KLK1: variants seen among roughly 807,000 people sequenced by gnomAD.
KLK1 encodes kallikrein 1, also known as kallikrein-1.
A neutral mutation model predicts 23.3 loss-of-function variants in KLK1; 22 were observed. That is an observed-to-expected ratio of 0.95 (90% CI 0.68 to 1.35). The LOEUF (loss-of-function observed/expected upper bound fraction) is 1.35, where lower values mean the gene tolerates loss of function less well. Among genes scored for constraint, KLK1 ranks in the 40% most tolerant of loss-of-function variants. The pLI, the probability that KLK1 is intolerant of heterozygous loss-of-function variation, is 0.00. For missense variants in KLK1, 301 were observed against 338.9 expected (o/e 0.89, Z 0.88); for synonymous variants, 140 against 135.8 (o/e 1.03, Z -0.21).
At position 50,821,127 on chromosome 19, in the gene KLK1, C is replaced by G. The variant is rs2089826082; in HGVS notation, c.206+585G>C. ...TTTCTCGCCCCGCCTCCTCCTTCCTCCTCCCTCAGTTGCCCCACCCAGCTC... is the reference window on the plus strand; with the variant it reads ...TTTCTCGCCCCGCCTCCTCCTTCCTGCTCCCTCAGTTGCCCCACCCAGCTC... On this transcript the variant is annotated intron_variant, in intron 2 of 4. Transcript: ENST00000301420. The surrounding 1 kb of genome is among the most constrained non-coding windows in gnomAD (Gnocchi z 5.6). Among the ~76,000 whole-genome samples, 1 of 152,196 alleles carries G rather than the reference C, an allele frequency of 6.6e-6. No homozygotes were observed. Among genetic ancestry groups the G allele is most frequent in the Non-Finnish European group, 1.5e-5 (1 of 68,036 alleles).
At chr19:50,822,963 A>G in intron 1 of KLK1, 1 of 975,322 alleles carries the variant, frequency 1.0e-6, no homozygotes, top group Non-Finnish European at 1.2e-6. Flanking sequence ...CTGTGTAGGA[A>G]CAATTCAGGC....
In KLK1 at chr19:50,821,727, G is replaced by A; in HGVS notation, c.191C>T (p.Ala64Val). 6.2e-7 allele frequency: 1 copy of A among 1,612,212 alleles called. No individual in the cohort carries two copies. The highest frequency in any genetic ancestry group is 1.1e-5 in the South Asian group (1 of 90,864). ...LVHRQWVLTAAHCISDNYQLW... is the reference protein window; with the variant it reads ...LVHRQWVLTAVHCISDNYQLW... The stretch of plus-strand genomic sequence containing the variant: ...CCCTACTCACTCGCTGATGCAATGA[G>A]CAGCTGTGAGCACCCACTGGCGGTG... Residue 64 changes from alanine to valine, a missense_variant, in exon 2 of 5, where the codon GCT becomes GTT. Physicochemically the swap from Ala to Val is moderately conservative, Grantham distance 64. Coordinates refer to ENST00000301420, the MANE Select transcript of KLK1 (RefSeq NM_002257.4). This position sits in a 1 kb window ranked among gnomAD's most constrained non-coding sequence, Gnocchi z 5.6.
In KLK1 at chr19:50,820,477, C is replaced by T. The variant is rs2740505; in HGVS notation, c.207-34G>A. ...AGATGGGAATGGAGGGATGAGAAGA[C>T]GGGAAGGGGAAAAGGGGATGGGGCA... On this transcript the variant is annotated intron_variant, in intron 2 of 4. Transcript: ENST00000301420. 0.2 allele frequency: 130,028 copies of T among 658,166 alleles called. 7,171 individuals carry two copies. The highest frequency in any genetic ancestry group is 0.24 in the Non-Finnish European group (106,423 of 436,278). The allele number at this position is 658,166 out of a possible 1,614,324, so 40.8% of individuals were successfully genotyped here. A position where few individuals can be genotyped will look rare whatever the true frequency, so the allele number is the denominator to read the frequency against.
chr19:50,821,617 A>G lies in KLK1; in HGVS notation c.206+95T>C. On this transcript the variant is annotated intron_variant, in intron 2 of 4. Coordinates refer to ENST00000301420, the MANE Select transcript of KLK1 (RefSeq NM_002257.4). This position sits in a 1 kb window ranked among gnomAD's most constrained non-coding sequence, Gnocchi z 5.6. ...GCCTTCCTCTCTGCCTCAGCCCCCC[A>G]GTCTTGCCTGAGGTTATCCAAGGGG... The G allele has an allele frequency of 7.0e-7, 1 of 1,425,454 alleles. No individual in the cohort carries two copies. The highest frequency in any genetic ancestry group is 9.3e-7 in the Non-Finnish European group (1 of 1,079,584). 88.3% of individuals were successfully genotyped at this position (1,425,454 alleles called of 1,614,324 possible). A position where few individuals can be genotyped will look rare whatever the true frequency, so the allele number is the denominator to read the frequency against.
In KLK1 at chr19:50,819,363, G is replaced by C; in HGVS notation, c.634-14C>G. ...CCCTGAATCACCCTGGGAGCACAAG[G>C]TGGGAGGGGAGAGTGAGAAAGGTCT... On this transcript the variant is annotated splice_polypyrimidine_tract_variant and intron_variant, in intron 4 of 4. Transcript: ENST00000301420. The C allele has an allele frequency of 1.3e-6, 2 of 1,598,354 alleles. No individual in the cohort carries two copies. Among genetic ancestry groups the C allele is most frequent in the Non-Finnish European group, 1.7e-6 (2 of 1,168,788 alleles).
At chr19:50,819,375 A>G in intron 4 of KLK1, 26 bp from the exon 5 acceptor site, 1 of 1,591,168 alleles carries the variant, frequency 6.3e-7, no homozygotes, top group Non-Finnish European at 8.6e-7. Flanking sequence ...GGGAGGGGAG[A>G]GTGAGAAAGG....
rs1329033319 is a variant in KLK1 at position 50,821,061 on chromosome 19, A to C, written c.207-618T>G. Among the ~76,000 whole-genome samples the C allele has an allele frequency of 1.3e-5, 2 of 152,068 alleles. No individual in the cohort carries two copies. The highest frequency in any genetic ancestry group is 4.8e-5 in the African/African-American group (2 of 41,402). ...GGGCAGGTGGCCTGGCCTGAAGTCC[A>C]AGGTCGAGGCCCCCTTCCCTTCCCA... On this transcript the variant is annotated intron_variant, in intron 2 of 4. Transcript: ENST00000301420. This position sits in a 1 kb window ranked among gnomAD's most constrained non-coding sequence, Gnocchi z 5.6.
chr19:50,822,134 G>A (rs770917133), intron 1 of KLK1: 49 of 1,220,920 alleles, frequency 4.0e-5, no homozygotes, highest in Non-Finnish European at 4.9e-5. Flanking sequence ...GTAGGAGACA[G>A]GAGACAGTGT....
chr19:50,820,206 T>G lies in KLK1; in HGVS notation c.444A>C (p.Glu148Asp). The G allele has an allele frequency of 1.2e-6, 2 of 1,611,656 alleles. No individual in the cohort carries two copies. Among genetic ancestry groups the G allele is most frequent in the Non-Finnish European group, 1.7e-6 (2 of 1,178,062 alleles). ...CGGAAGCCAAACAGGTGCTCCCCAC[T>G]TCGGGTTCCTCGGTGGGCAACTCCA... ...KVVELPTEEPEVGSTCLASGW... is the reference protein window; with the variant it reads ...KVVELPTEEPDVGSTCLASGW... Residue 148 changes from glutamate (E) to aspartate (D), a missense_variant, in exon 3 of 5, where the codon GAA becomes GAC. Coordinates refer to ENST00000301420, the MANE Select transcript of KLK1 (RefSeq NM_002257.4).
In KLK1 at chr19:50,821,601, T is replaced by C; in HGVS notation, c.206+111A>G. 1 of 1,393,200 alleles carries C rather than the reference T, an allele frequency of 7.2e-7. No individual in the cohort carries two copies. The highest frequency in any genetic ancestry group is 9.4e-7 in the Non-Finnish European group (1 of 1,058,308). The allele number at this position is 1,393,200 out of a possible 1,614,324, so 86.3% of individuals were successfully genotyped here. A position where few individuals can be genotyped will look rare whatever the true frequency, so the allele number is the denominator to read the frequency against. ...GGCGACCTGCGCCAGAGCCTTCCTCTCTGCCTCAGCCCCCCAGTCTTGCCT... is the reference window on the plus strand; with the variant it reads ...GGCGACCTGCGCCAGAGCCTTCCTCCCTGCCTCAGCCCCCCAGTCTTGCCT... On this transcript the variant is annotated intron_variant, in intron 2 of 4. Coordinates refer to ENST00000301420, the MANE Select transcript of KLK1 (RefSeq NM_002257.4). This position sits in a 1 kb window ranked among gnomAD's most constrained non-coding sequence, Gnocchi z 5.6.
chr19:50,819,782 T>G, intron 4 of KLK1, 117 bp downstream of exon 4: 3 of 1,002,390 alleles, frequency 3.0e-6, no homozygotes, highest in Non-Finnish European at 4.5e-6. Flanking sequence ...ATGGGGCGAG[T>G]GGCTACAGCT....
chr19:50,823,692 C>G lies in KLK1; in HGVS notation c.46+11G>C. 6.3e-7 allele frequency: 1 copy of G among 1,583,374 alleles called. No homozygotes were observed. Among genetic ancestry groups the G allele is most frequent in the Non-Finnish European group, 8.7e-7 (1 of 1,153,892 alleles). On this transcript the variant is annotated intron_variant, in intron 1 of 4. Transcript: ENST00000301420. Reference sequence around the variant, plus strand: ...GCCCGTTCCCCCTCCCACATCCCCCCACTGTCTCACCAGTCCCCCCCAGGG... The same window carrying G: ...GCCCGTTCCCCCTCCCACATCCCCCGACTGTCTCACCAGTCCCCCCCAGGG...
intron 2 of KLK1, chr19:50,820,854 C>T (rs969953014): frequency 3.2e-5 from 5 of 154,862 alleles, no homozygotes; most frequent in Admixed American, 6.5e-5. Flanking sequence ...GGACGCGGGA[C>T]GTCAGAGTGA....
rs763446648 is a variant in KLK1 at position 50,821,856 on chromosome 19, A to G, written c.62T>C (p.Ile21Thr). ...SLGGTGAAPP[I>T]QSRIVGGWEC... Reference sequence around the variant, plus strand: ...CCAGCCTCCCACAATCCGGGACTGAATCGGGGGCGCAGCACCTGCAGAGGC... The same window carrying G: ...CCAGCCTCCCACAATCCGGGACTGAGTCGGGGGCGCAGCACCTGCAGAGGC... The change falls in exon 2 of 5, where the codon ATT becomes ACT. Residue 21 changes from isoleucine (I) to threonine (T), a missense_variant. Ile to Thr is a moderately conservative substitution (Grantham distance 89). Transcript: ENST00000301420. This position sits in a 1 kb window ranked among gnomAD's most constrained non-coding sequence, Gnocchi z 5.6. The G allele has an allele frequency of 1.4e-5, 22 of 1,610,540 alleles. 1 individual carries two copies. The South Asian group carries it at 2.0e-4, about 15-fold the overall frequency.
At position 50,820,235 on chromosome 19, in the gene KLK1, CCTTCACAGCAT is replaced by C; in HGVS notation, c.404_414del (p.Asp135GlyfsTer33). ...GGTTCCTCGGTGGGCAACTCCACGA[CCTTCACAGCAT>C]CTGTGATGGTATCAGCAGGCTCTGT... On this transcript the variant is annotated frameshift_variant, in exon 3 of 5. Coordinates refer to ENST00000301420, the MANE Select transcript of KLK1 (RefSeq NM_002257.4). LOFTEE classifies it high-confidence loss of function. 6.2e-7 allele frequency: 1 copy of C among 1,613,728 alleles called. No individual in the cohort carries two copies. Among genetic ancestry groups the C allele is most frequent in the Non-Finnish European group, 8.5e-7 (1 of 1,179,718 alleles).
intron 1 of KLK1, 62 bp downstream of exon 1, chr19:50,823,641 G>A (rs911489003): frequency 2.2e-5 from 24 of 1,113,898 alleles, no homozygotes; most frequent in African/African-American, 1.2e-4. Context: ...ATCGGGGGGG[G>A]ATGTGAGGCC....
chr19:50,822,521 G>C, intron 1 of KLK1: 1 of 985,422 alleles, frequency 1.0e-6, no homozygotes, highest in Non-Finnish European at 1.2e-6. Flanking sequence ...TAAAAGAAAG[G>C]GCTATGGTTA....
chr19:50,820,166 C>T lies in KLK1; in HGVS notation c.484G>A (p.Glu162Lys), dbSNP rs558119154. The T allele has an allele frequency of 1.9e-5, 30 of 1,600,800 alleles. No homozygotes were observed. The East Asian group carries it at 4.5e-4, about 24-fold the overall frequency. The change falls in exon 3 of 5, where the codon GAA becomes AAA. Residue 162 changes from glutamate (E) to lysine (K), a missense_variant. Transcript: ENST00000301420. ...TCLASGWGSI[E>K]PENFSFPDDL... ...TGCCCCCACATACAATTCTCTGGTT[C>T]GATGCTGCCCCAGCCGGAAGCCAAA...
At chr19:50,819,597 G>A (rs1301316256) in intron 4 of KLK1, among the ~76,000 whole-genome samples, 1 of 152,212 alleles carries the variant, frequency 6.6e-6, no homozygotes, top group Non-Finnish European at 1.5e-5. Context: ...AGGAGGGGCA[G>A]GACCATCTGC....
Sources: allele counts gnomAD v4.1 joint callset (sites outside exome capture counted in the v4.1 genomes callset), GRCh38; gene constraint gnomAD v4.1.1; non-coding constraint Gnocchi (gnomAD v3.1); transcripts MANE v1.5; gene names NCBI Gene and HGNC (gene_info 2026-07-23, HGNC 2026-07-21).